TCF7: variants seen among roughly 807,000 people sequenced by gnomAD.
TCF7 encodes the protein T-cell-factor-7.
TCF7 carries 19 observed loss-of-function variants against 46.8 expected under a neutral mutation model. The ratio of observed to expected loss-of-function variants is 0.41; its 90% confidence interval spans 0.28 to 0.60. The LOEUF is 0.60. Among genes scored for constraint, TCF7 ranks in the 20% least tolerant of loss-of-function variants. The pLI is 0.35. For synonymous variants in TCF7, 245 were observed against 213.4 expected, an observed-to-expected ratio of 1.15 and a Z score of -1.29; for missense variants, 547 against 504.6, an observed-to-expected ratio of 1.08 and a Z score of -0.81.
chr5:134,143,581 G>A lies in TCF7; in HGVS notation c.1027-11G>A. ...CCCAGATCTGAGCATCCCTCCTTTT[G>A]TTCCCTGCAGGGGAAGAAGAAGAGG... is the stretch of plus-strand genomic sequence containing the variant. On this transcript the variant is annotated splice_polypyrimidine_tract_variant and intron_variant, in intron 8 of 9. Transcript: ENST00000342854. The A allele has an allele frequency of 6.2e-7, 1 of 1,614,118 alleles. No homozygotes were observed. The highest frequency in any genetic ancestry group is 2.2e-5 in the East Asian group (1 of 44,876).
chr5:134,127,596 G>A (rs1580832512), intron 3 of TCF7, among the ~76,000 whole-genome samples: 3 of 152,236 alleles, frequency 2.0e-5, no homozygotes, highest in Admixed American at 2.0e-4. Flanking sequence ...TGAGGCAGCT[G>A]AGGGAGTCTC....
rs777726841 is a variant in TCF7 at position 134,143,101 on chromosome 5, G to A, written c.1026+1G>A. 1.9e-6 allele frequency: 3 copies of A among 1,600,418 alleles called. No individual in the cohort carries two copies. The highest frequency in any genetic ancestry group is 1.3e-5 in the African/African-American group (1 of 74,866). ...AGGCTGGTCAGCGCGGGACAACTAC[G>A]TGAGTGCCTAGTGACACACAGCAGG... On this transcript the variant is annotated splice_donor_variant, in intron 8 of 9. Transcript: ENST00000342854. LOFTEE classifies it high-confidence loss of function.
chr5:134,143,898 G>A, intron 9 of TCF7: 4 of 484,150 alleles, frequency 8.3e-6, no homozygotes, highest in East Asian at 7.3e-5. Context: ...CCTCTGCCTT[G>A]CACCCACTAC....
At chr5:134,139,361 G>A in intron 5 of TCF7, 1 of 303,976 alleles carries the variant, frequency 3.3e-6, no homozygotes, top group Non-Finnish European at 6.2e-6. Context: ...GACCTCCAGG[G>A]CCATATGAGT....
chr5:134,135,757 A>C (rs772257109), intron 3 of TCF7, among the ~76,000 whole-genome samples: 1 of 152,190 alleles, frequency 6.6e-6, no homozygotes, highest in Non-Finnish European at 1.5e-5. Flanking sequence ...GCTGGAGAAG[A>C]AATGTGGAGT....
At chr5:134,138,907 G>T in intron 4 of TCF7, 44 bp from the exon 5 acceptor site, 1 of 1,609,372 alleles carries the variant, frequency 6.2e-7, no homozygotes. Context: ...GATATGGCCT[G>T]CCAGGTCAGG....
intron 3 of TCF7, among the ~76,000 whole-genome samples, chr5:134,135,632 G>A (rs995092022): frequency 6.6e-6 from 1 of 152,182 alleles, no homozygotes; most frequent in African/African-American, 2.4e-5. Flanking sequence ...ACAGGGAGGA[G>A]CGTTTGGGGC....
At chr5:134,121,211 A>C (rs1299788244) in intron 3 of TCF7, among the ~76,000 whole-genome samples, 36 of 152,254 alleles carry the variant, frequency 2.4e-4, no homozygotes, top group East Asian at 3.9e-4. Context: ...GATTGACCTG[A>C]AAGAGACTCC....
intron 3 of TCF7, among the ~76,000 whole-genome samples, chr5:134,133,609 C>T (rs1339482762): frequency 2.0e-5 from 3 of 152,112 alleles, no homozygotes; most frequent in Admixed American, 6.5e-5. Flanking sequence ...CTCCTACCAC[C>T]GGGCGCAAAG....
intron 5 of TCF7, chr5:134,139,740 G>A (rs939760401): frequency 1.3e-5 from 2 of 152,348 alleles, no homozygotes; most frequent in African/African-American, 4.8e-5. Flanking sequence ...TCAGAGAGCT[G>A]GGCTGTGGCA....
At chr5:134,114,503 A>G (rs1315369668), upstream of TCF7, among the ~76,000 whole-genome samples, 3 of 151,986 alleles carry the variant, frequency 2.0e-5, no homozygotes, top group African/African-American at 7.2e-5. Flanking sequence ...GTTTCGGGAG[A>G]AGGGTGATCA....
chr5:134,120,500 G>A (rs1378580641), intron 3 of TCF7, among the ~76,000 whole-genome samples: 1 of 152,186 alleles, frequency 6.6e-6, no homozygotes, highest in Non-Finnish European at 1.5e-5. Context: ...GCCTCTTGCT[G>A]TCTCCCTGAC....
rs1254816810 is a variant in TCF7, at chr5:134,142,818, G to A, written c.853G>A (p.Ala285Thr). 5.6e-6 allele frequency: 9 copies of A among 1,614,184 alleles called. No homozygotes were observed. The highest frequency in any genetic ancestry group is 1.7e-5 in the Admixed American group (1 of 60,026). The change falls in exon 7 of 10, where the codon GCC (alanine) becomes ACC (threonine). Residue 285 changes from alanine (A) to threonine (T), a missense_variant. Transcript: ENST00000342854. Reference protein sequence around the residue: ...AFMLYMKEMRAKVIAECTLKE... With the variant: ...AFMLYMKEMRTKVIAECTLKE... ...CATGCTGTACATGAAGGAGATGAGA[G>A]CCAAGGTCATTGCAGAGTGCACACT... is the stretch of plus-strand genomic sequence containing the variant.
intron 3 of TCF7, among the ~76,000 whole-genome samples, chr5:134,124,131 G>A (rs1044791868): frequency 6.6e-6 from 1 of 152,154 alleles, no homozygotes; most frequent in African/African-American, 2.4e-5. Flanking sequence ...GAGCATCTCT[G>A]ACCAGCTCTG....
intron 3 of TCF7, among the ~76,000 whole-genome samples, chr5:134,128,081 C>G (rs1004133324): frequency 3.3e-5 from 5 of 152,166 alleles, no homozygotes; most frequent in African/African-American, 1.2e-4. Flanking sequence ...ACATCTGACT[C>G]GGCGTTCGCT....
At position 134,122,823 on chromosome 5, in the gene TCF7, C is replaced by T. The variant is rs565978947; in HGVS notation, c.441+6790C>T. Among the ~76,000 whole-genome samples, 8 of 152,302 alleles carry T rather than the reference C, an allele frequency of 5.3e-5. No individual in the cohort carries two copies. In the South Asian group the frequency reaches 1.5e-3, roughly 28 times the overall value. On this transcript the variant is annotated intron_variant, in intron 3 of 9. Coordinates refer to ENST00000342854, the MANE Select transcript of TCF7 (RefSeq NM_003202.5). Reference sequence around the variant, plus strand: ...TATCAGGTCACAGGGGCCCCCACCCCCAATGGTACAGTGCACAGATCCTCC... The same window carrying T: ...TATCAGGTCACAGGGGCCCCCACCCTCAATGGTACAGTGCACAGATCCTCC...
At chr5:134,144,447 A>G (rs1276384869) in intron 9 of TCF7, 10 of 314,316 alleles carry the variant, frequency 3.2e-5, no homozygotes, top group Non-Finnish European at 6.0e-5. Context: ...GCCCTAGGGC[A>G]TAAAAGGCTG....
At chr5:134,137,109 G>A (rs114253403) in intron 3 of TCF7, among the ~76,000 whole-genome samples, 2,021 of 152,254 alleles carry the variant, frequency 0.013, 35 homozygotes, top group African/African-American at 0.045. Flanking sequence ...ATCGTCTCTT[G>A]ATAGAGCAAT....
upstream of TCF7, among the ~76,000 whole-genome samples, chr5:134,112,047 G>A (rs952506637): frequency 9.3e-5 from 14 of 150,692 alleles, no homozygotes; most frequent in Admixed American, 8.6e-4. Context: ...TTGTGTAGAC[G>A]ATGGTGAAGG....
Sources: allele counts gnomAD v4.1 joint callset (sites outside exome capture counted in the v4.1 genomes callset), GRCh38; gene constraint gnomAD v4.1.1; transcripts MANE v1.5; gene names NCBI Gene and HGNC (gene_info 2026-07-23, HGNC 2026-07-21).